The following BBS9 variants were observed in gnomAD, a reference collection of about 807,000 sequenced individuals.
BBS9 encodes Bardet-Biedl syndrome 9, also known as protein PTHB1.
A neutral mutation model predicts 117.7 loss-of-function variants in BBS9; 89 were observed. That is an observed-to-expected ratio of 0.76 (90% confidence interval 0.64 to 0.90). The LOEUF (loss-of-function observed/expected upper bound fraction) is 0.90. Ranked by LOEUF, BBS9 falls within the 40% of genes least tolerant of loss-of-function variation. The pLI is 0.00. For missense variants in BBS9, 982 were observed against 1,042.2 expected (o/e 0.94, Z 0.80); for synonymous variants, 379 against 370.9 (o/e 1.02, Z -0.25).
intron 5 of BBS9, among the ~76,000 whole-genome samples, chr7:33,221,514 A>G (rs906321405): frequency 1.3e-5 from 2 of 152,218 alleles, no homozygotes; most frequent in Non-Finnish European, 2.9e-5. Context: ...AAATTAGGGA[A>G]AACTGCTTTC....
intron 5 of BBS9, among the ~76,000 whole-genome samples, chr7:33,209,254 G>A (rs1787558086): frequency 6.6e-6 from 1 of 152,126 alleles, no homozygotes; most frequent in Non-Finnish European, 1.5e-5. Flanking sequence ...TTACATTCAT[G>A]TTGTTGCAAA....
intron 5 of BBS9, among the ~76,000 whole-genome samples, chr7:33,228,548 C>T (rs923592095): frequency 3.9e-5 from 6 of 152,068 alleles, no homozygotes; most frequent in South Asian, 2.1e-4. Context: ...CAAATATCCA[C>T]GTATAACTTT....
chr7:33,371,641 T>C (rs560181755), intron 17 of BBS9, among the ~76,000 whole-genome samples: 1 of 152,206 alleles, frequency 6.6e-6, no homozygotes, highest in Admixed American at 6.5e-5. Context: ...GTAACTTCTC[T>C]GTAACAGGAG....
At chr7:33,505,336 G>A in intron 19 of BBS9, 127 bp from the exon 20 acceptor site, 2 of 908,760 alleles carry the variant, frequency 2.2e-6, no homozygotes, top group Non-Finnish European at 3.6e-6. Context: ...ACTTAACATA[G>A]CTTGTGTTTG....
chr7:33,198,109 A>G (rs989251808), intron 5 of BBS9, among the ~76,000 whole-genome samples: 2 of 151,996 alleles, frequency 1.3e-5, no homozygotes, highest in Non-Finnish European at 2.9e-5. Flanking sequence ...TTTAAAATCA[A>G]ATTTTCTTTT....
At chr7:33,530,044 G>A (rs1403578232) in intron 20 of BBS9, among the ~76,000 whole-genome samples, 1 of 152,132 alleles carries the variant, frequency 6.6e-6, no homozygotes. Flanking sequence ...AGATTCCACA[G>A]TTTTATTTCA....
rs532697367 is a variant in BBS9 at position 33,406,729 on chromosome 7, C to T, written c.2115+18585C>T. Among the ~76,000 whole-genome samples, 4 of 152,150 alleles carry T rather than the reference C, an allele frequency of 2.6e-5. No homozygotes were observed. The South Asian group carries it at 8.3e-4, about 32-fold the overall frequency. The stretch of plus-strand genomic sequence containing the variant: ...GGCTGGATATGAAATTCTGGGTTGA[C>T]AGTTCTTTTCTTTAAGAATGTTGAA... On this transcript the variant is annotated intron_variant, in intron 19 of 22. Transcript: ENST00000242067.
At chr7:33,195,701 G>A (rs1156263657) in intron 5 of BBS9, among the ~76,000 whole-genome samples, 1 of 147,204 alleles carries the variant, frequency 6.8e-6, no homozygotes, top group Non-Finnish European at 1.5e-5. Context: ...AATATTTAGT[G>A]TAAAAGACAC....
At chr7:33,524,855 G>C (rs1849229023) in intron 20 of BBS9, among the ~76,000 whole-genome samples, 1 of 152,026 alleles carries the variant, frequency 6.6e-6, no homozygotes, top group South Asian at 2.1e-4. Flanking sequence ...TGTCAATTTT[G>C]GATCTTTCCT....
intron 5 of BBS9, among the ~76,000 whole-genome samples, chr7:33,220,206 A>C (rs1209370827): frequency 6.6e-6 from 1 of 152,190 alleles, no homozygotes; most frequent in Admixed American, 6.5e-5. Context: ...CAGATGAGGA[A>C]ACTATTCACA....
intron 20 of BBS9, among the ~76,000 whole-genome samples, chr7:33,513,136 C>T (rs959309190): frequency 6.6e-6 from 1 of 152,162 alleles, no homozygotes; most frequent in African/African-American, 2.4e-5. Flanking sequence ...CCCGGCTACC[C>T]CCTTCATTCT....
At chr7:33,403,962 T>A (rs1396547406) in intron 19 of BBS9, among the ~76,000 whole-genome samples, 3 of 152,162 alleles carry the variant, frequency 2.0e-5, no homozygotes, top group Non-Finnish European at 4.4e-5. Context: ...TTTCTCCACA[T>A]CCTCTCCAGC....
At chr7:33,486,737 C>A (rs1404627379) in intron 19 of BBS9, among the ~76,000 whole-genome samples, 2 of 152,150 alleles carry the variant, frequency 1.3e-5, no homozygotes, top group Admixed American at 6.5e-5. Flanking sequence ...TCCCAGGATT[C>A]TTTCCAGTAA....
At chr7:33,613,450 A>G (rs1864977571) in intron 21 of BBS9, among the ~76,000 whole-genome samples, 1 of 152,034 alleles carries the variant, frequency 6.6e-6, no homozygotes, top group African/African-American at 2.4e-5. Flanking sequence ...TGGAGAATGT[A>G]TACTGTGGTA....
chr7:33,619,076 A>G (rs1304020257), intron 21 of BBS9, among the ~76,000 whole-genome samples: 1 of 152,162 alleles, frequency 6.6e-6, no homozygotes, highest in Non-Finnish European at 1.5e-5. Flanking sequence ...TGGATTAGAA[A>G]ACAAGACACA....
At chr7:33,549,005 C>T (rs1179786368) in intron 21 of BBS9, among the ~76,000 whole-genome samples, 1 of 151,122 alleles carries the variant, frequency 6.6e-6, no homozygotes, top group African/African-American at 2.4e-5. Flanking sequence ...CTGGAGGCAT[C>T]ACACTACCTG....
intron 7 of BBS9, among the ~76,000 whole-genome samples, chr7:33,270,046 G>A (rs1282876742): frequency 1.4e-5 from 2 of 147,350 alleles, no homozygotes; most frequent in East Asian, 4.0e-4. Flanking sequence ...AGGAGAGAAA[G>A]AGAAAATATA....
chr7:33,362,936 C>A (rs529648676), intron 16 of BBS9, among the ~76,000 whole-genome samples: 1 of 151,706 alleles, frequency 6.6e-6, no homozygotes, highest in Non-Finnish European at 1.5e-5. Flanking sequence ...TGCAGACCAT[C>A]GTTCATTTAT....
chr7:33,154,657 G>C (rs889822076), intron 3 of BBS9, among the ~76,000 whole-genome samples: 1 of 151,914 alleles, frequency 6.6e-6, no homozygotes, highest in Non-Finnish European at 1.5e-5. Flanking sequence ...GTAGAGACAG[G>C]GTTTCACCAT....
Sources: gnomAD v4.1 joint callset for allele counts (sites outside exome capture counted in the v4.1 genomes callset) on GRCh38, gnomAD v4.1.1 for gene constraint, MANE v1.5 for transcripts, NCBI Gene and HGNC (gene_info 2026-07-23, HGNC 2026-07-21) for gene names.